HNRNPC: variants seen among roughly 807,000 people sequenced by gnomAD.
The protein encoded by HNRNPC is heterogeneous nuclear ribonucleoproteins C1/C2.
HNRNPC carries 3 observed loss-of-function variants against 33.2 expected under a neutral mutation model. The observed-to-expected ratio is 0.09, with a 90% CI of 0.04 to 0.23. HNRNPC has a LOEUF of 0.23. Ranked by LOEUF, HNRNPC falls within the 10% of genes least tolerant of loss-of-function variation. HNRNPC has a pLI of 1.00. For synonymous variants in HNRNPC, 121 were observed against 126.7 expected (o/e 0.96, Z 0.30); for missense variants, 143 against 366.7 (o/e 0.39, Z 4.98).
At chr14:21,236,375 T>C (rs1050278669) in intron 2 of HNRNPC, 6 of 152,178 alleles carry the variant, frequency 3.9e-5, no homozygotes, top group Non-Finnish European at 8.8e-5. Flanking sequence ...ATACTTACTA[T>C]GAGGACTTAA....
At chr14:21,215,944 AAG>A (rs1336764455) in intron 5 of HNRNPC, among the ~76,000 whole-genome samples, 1 of 138,046 alleles carries the variant, frequency 7.2e-6, no homozygotes, top group Non-Finnish European at 1.5e-5. Flanking sequence ...GGAAAAGAAA[AAG>A]AAAAAAAAAA....
intron 5 of HNRNPC, among the ~76,000 whole-genome samples, chr14:21,218,010 T>C (rs1051138061): frequency 3.9e-5 from 6 of 152,184 alleles, no homozygotes; most frequent in African/African-American, 1.4e-4. Context: ...ATTCTGAAAC[T>C]TGACTGGATT....
intron 6 of HNRNPC, 143 bp downstream of exon 6, chr14:21,212,817 A>T: frequency 9.6e-7 from 1 of 1,044,852 alleles, no homozygotes; most frequent in Non-Finnish European, 1.4e-6. Flanking sequence ...TGCTGGGATT[A>T]CAGGCATGAG....
chr14:21,226,001 A>G (rs755717352), intron 5 of HNRNPC, among the ~76,000 whole-genome samples: 3 of 152,056 alleles, frequency 2.0e-5, no homozygotes, highest in Non-Finnish European at 4.4e-5. Flanking sequence ...TTTTATGAGA[A>G]TTTTTTAAAG....
chr14:21,217,026 T>A (rs140877885), intron 5 of HNRNPC, among the ~76,000 whole-genome samples: 45 of 152,360 alleles, frequency 3.0e-4, no homozygotes, highest in African/African-American at 9.9e-4. Context: ...GTTTTGAATC[T>A]ATGTTAACAG....
At chr14:21,216,052 G>A (rs1004408610) in intron 5 of HNRNPC, among the ~76,000 whole-genome samples, 3 of 150,686 alleles carry the variant, frequency 2.0e-5, no homozygotes, top group East Asian at 1.9e-4. Flanking sequence ...GGAAGGAAGT[G>A]GGGGTTGCAG....
At chr14:21,225,026 G>C (rs1409995281) in intron 5 of HNRNPC, among the ~76,000 whole-genome samples, 1 of 152,112 alleles carries the variant, frequency 6.6e-6, no homozygotes, top group Admixed American at 6.6e-5. Context: ...TTTTGAACCA[G>C]GTTTCTTGCT....
chr14:21,265,480 T>C (rs1415634794), intron 1 of HNRNPC: 1 of 152,162 alleles, frequency 6.6e-6, no homozygotes, highest in Non-Finnish European at 1.5e-5. Flanking sequence ...CTACCACTCA[T>C]AAAAAGACCA....
At chr14:21,267,118 A>AC (rs1566654217) in intron 1 of HNRNPC, among the ~76,000 whole-genome samples, 2 of 122,950 alleles carry the variant, frequency 1.6e-5, no homozygotes, top group South Asian at 2.7e-4. Context: ...AAAAAAAAAA[A>AC]AAAAAAAAAC....
intron 2 of HNRNPC, among the ~76,000 whole-genome samples, chr14:21,247,820 CAAAAAAA>C (rs1216770970): frequency 1.3e-5 from 1 of 76,754 alleles, no homozygotes; most frequent in Non-Finnish European, 2.9e-5. Flanking sequence ...ACTAAAAATA[CAAAAAAA>C]AAAAAAAAAA....
chr14:21,247,314 A>G (rs1405205260), intron 2 of HNRNPC, among the ~76,000 whole-genome samples: 4 of 152,196 alleles, frequency 2.6e-5, no homozygotes, highest in African/African-American at 4.8e-5. Flanking sequence ...ATTTTGCTGT[A>G]AAGTATAAAC....
At chr14:21,261,966 G>C (rs1878322912) in intron 2 of HNRNPC, among the ~76,000 whole-genome samples, 1 of 152,116 alleles carries the variant, frequency 6.6e-6, no homozygotes, top group South Asian at 2.1e-4. Flanking sequence ...TCTAGCATTA[G>C]AACTCTATGA....
At chr14:21,244,486 CACTT>C (rs920066002) in intron 2 of HNRNPC, among the ~76,000 whole-genome samples, 3 of 152,216 alleles carry the variant, frequency 2.0e-5, no homozygotes, top group African/African-American at 4.8e-5. Context: ...TATCCTTTCT[CACTT>C]ACCAATGGTG....
At chr14:21,230,954 G>A (rs1033756027) in intron 4 of HNRNPC, 43 bp downstream of exon 4, 3 of 1,610,448 alleles carry the variant, frequency 1.9e-6, no homozygotes, top group African/African-American at 1.3e-5. Context: ...ATAAAGTTCC[G>A]GACCTGAGTA....
At chr14:21,244,841 G>A (rs1173405810) in intron 2 of HNRNPC, among the ~76,000 whole-genome samples, 1 of 152,016 alleles carries the variant, frequency 6.6e-6, no homozygotes, top group African/African-American at 2.4e-5. Context: ...CTAACACAGG[G>A]CGGGAAAGGT....
chr14:21,266,137 ACT>A (rs1052976596), intron 1 of HNRNPC, among the ~76,000 whole-genome samples: 8 of 152,018 alleles, frequency 5.3e-5, no homozygotes, highest in African/African-American at 1.7e-4. Flanking sequence ...ATGGGGTCTC[ACT>A]CTGTCGCCCA....
rs771795365 is a variant in HNRNPC, at chr14:21,219,122, A to AAAAG, written c.366-6006_366-6005insCTTT. 8.9e-3 allele frequency among the ~76,000 whole-genome samples: 1,342 copies of AAAAG among 150,474 alleles called. 19 individuals are homozygous for AAAAG. The highest frequency in any genetic ancestry group is 0.031 in the African/African-American group (1,283 of 41,028). ...AGACTCTTTCTCAAAAAAAAAAAAA[A>AAAAG]AAGAAGAAAAAGAAAGGGGAAAAAA... On this transcript the variant is annotated intron_variant, in intron 5 of 8. Transcript: ENST00000553300.
At chr14:21,262,846 T>C (rs1445805135) in intron 2 of HNRNPC, 1 of 151,768 alleles carries the variant, frequency 6.6e-6, no homozygotes, top group Non-Finnish European at 1.5e-5. Flanking sequence ...GTTTAAAAAT[T>C]TAACAAATGA....
intron 3 of HNRNPC, 75 bp downstream of exon 3, chr14:21,233,878 A>G: frequency 6.5e-7 from 1 of 1,542,970 alleles, no homozygotes; most frequent in Non-Finnish European, 8.8e-7. Context: ...AGTTTTACAG[A>G]CATAAAGACA....
Sources: allele counts gnomAD v4.1 joint callset (sites outside exome capture counted in the v4.1 genomes callset), GRCh38; gene constraint gnomAD v4.1.1; transcripts MANE v1.5; gene names NCBI Gene and HGNC (gene_info 2026-07-23, HGNC 2026-07-21).